GP6: variants seen among roughly 807,000 people sequenced by gnomAD.
GP6 encodes the protein platelet glycoprotein VI.
GP6 carries 45 observed loss-of-function variants against 37.3 expected under a neutral mutation model. The ratio of observed to expected loss-of-function variants is 1.21; its 90% confidence interval spans 0.95 to 1.55. GP6 has a LOEUF of 1.55. GP6 is among the 40% of genes most tolerant of loss of function. The pLI is 0.00. For missense variants in GP6, 813 were observed against 760.2 expected, an observed-to-expected ratio of 1.07 and a Z score of -0.82; for synonymous variants, 340 against 316.4, an observed-to-expected ratio of 1.07 and a Z score of -0.79.
intron 3 of GP6, among the ~76,000 whole-genome samples, chr19:55,030,674 AAG>A (rs1318809359): frequency 1.3e-4 from 20 of 149,996 alleles, no homozygotes; most frequent in Non-Finnish European, 2.7e-4. Flanking sequence ...ATAAATAAAT[AAG>A]AAAAGAAATT....
In GP6 at chr19:55,014,535, T is replaced by C; in HGVS notation, c.1410A>G (p.Gln470=). 1.2e-6 allele frequency: 2 copies of C among 1,613,870 alleles called. No individual in the cohort carries two copies. Among genetic ancestry groups the C allele is most frequent in the Non-Finnish European group, 1.7e-6 (2 of 1,179,784 alleles). ...GGCCAAAGGGAAGCACGGGAGGATT[T>C]TGCACAGAGGATGGAACAGAGTCAA... Residue 470 remains glutamine, a synonymous_variant, in exon 8 of 8, where the codon CAA becomes CAG. Coordinates refer to ENST00000310373, the MANE Select transcript of GP6 (RefSeq NM_001083899.2).
rs529810371 is a variant in GP6, at chr19:55,032,823, T to C, written c.35-285A>G. On this transcript the variant is annotated intron_variant, in intron 1 of 7. Coordinates refer to ENST00000310373, the MANE Select transcript of GP6 (RefSeq NM_001083899.2). The stretch of plus-strand genomic sequence containing the variant: ...GGTGGGAGAGGAGGGCAAGGCATGG[T>C]GGCGTACTGCTCTCTGTGGACTTGT... The C allele has an allele frequency of 8.5e-4, 502 of 588,698 alleles. 3 individuals carry two copies. The African/African-American group carries it at 8.9e-3, about 10-fold the overall frequency. 36.5% of individuals were successfully genotyped at this position (588,698 alleles called of 1,614,324 possible). A position where few individuals can be genotyped will look rare whatever the true frequency, so the allele number is the denominator to read the frequency against.
rs147584336 is a variant in GP6 at position 55,034,539 on chromosome 19, G to A, written c.35-2001C>T. Among the ~76,000 whole-genome samples the A allele has an allele frequency of 2.7e-3, 401 of 151,024 alleles. 2 individuals are homozygous for A. Among genetic ancestry groups the A allele is most frequent in the African/African-American group, 9.5e-3 (388 of 41,042 alleles). ...CCACTACACTCCAGCCTGGGCAACAGAGCAAGACTCCATCTCGAGGAAAAA... is the reference window on the plus strand; with the variant it reads ...CCACTACACTCCAGCCTGGGCAACAAAGCAAGACTCCATCTCGAGGAAAAA... On this transcript the variant is annotated intron_variant, in intron 1 of 7. Coordinates refer to ENST00000310373, the MANE Select transcript of GP6 (RefSeq NM_001083899.2).
At chr19:55,035,849 T>C (rs2074809884) in intron 1 of GP6, among the ~76,000 whole-genome samples, 1 of 151,636 alleles carries the variant, frequency 6.6e-6, no homozygotes, top group South Asian at 2.1e-4. Flanking sequence ...CCGAGGTGGG[T>C]GGATCACGAG....
chr19:55,026,963 C>A (rs1271061657), intron 4 of GP6, among the ~76,000 whole-genome samples: 141 of 127,110 alleles, frequency 1.1e-3, no homozygotes, highest in African/African-American at 2.2e-3. Context: ...CTTCCCACCT[C>A]TGGCCCCGCC....
At chr19:55,021,382 A>G (rs1380937324) in intron 5 of GP6, among the ~76,000 whole-genome samples, 3 of 151,692 alleles carry the variant, frequency 2.0e-5, no homozygotes, top group Non-Finnish European at 4.4e-5. Context: ...AAAAAAGGAA[A>G]AAGGATTTCT....
rs530309978 is a variant in GP6 at position 55,016,507 on chromosome 19, C to T, written c.725-774G>A. Among the ~76,000 whole-genome samples the T allele has an allele frequency of 5.3e-5, 8 of 151,694 alleles. No homozygotes were observed. In the East Asian group the frequency reaches 1.4e-3, roughly 27 times the overall value. ...TCTCCTGCCTCAGCCTCCCGAGTAGCTGGGACTACAGGCGTCCGCCACCAC... is the reference window on the plus strand; with the variant it reads ...TCTCCTGCCTCAGCCTCCCGAGTAGTTGGGACTACAGGCGTCCGCCACCAC... On this transcript the variant is annotated intron_variant, in intron 6 of 7. Coordinates refer to ENST00000310373, the MANE Select transcript of GP6 (RefSeq NM_001083899.2).
rs767460935 is a variant in GP6 at position 55,015,106 on chromosome 19, T to C, written c.839A>G (p.Asp280Gly). 1 of 1,589,694 alleles carries C rather than the reference T, an allele frequency of 6.3e-7. No homozygotes were observed. The highest frequency in any genetic ancestry group is 8.6e-7 in the Non-Finnish European group (1 of 1,168,162). ...AGAAACCCCGCCAGGATTATTAGGA[T>C]CACAGCCCCGAGGCATATCCGGACC... The change falls in exon 8 of 8, where the codon GAT (aspartate) becomes GGT (glycine). Residue 280 changes from aspartate to glycine, a missense_variant. Asp to Gly is a moderately conservative substitution (Grantham distance 94). Coordinates refer to ENST00000310373, the MANE Select transcript of GP6 (RefSeq NM_001083899.2).
At position 55,027,704 on chromosome 19, in the gene GP6, T is replaced by G. The variant is rs892090; in HGVS notation, c.484A>C (p.Arg162=). 1,354,282 of 1,611,948 alleles carry G rather than the reference T, an allele frequency of 0.84. 570,316 individuals are homozygous for G. Among genetic ancestry groups the G allele is most frequent in the East Asian group, 0.98 (43,990 of 44,856 alleles). The change falls in exon 4 of 8, where the codon AGG becomes CGG. Residue 162 remains arginine, a synonymous_variant. Transcript: ENST00000310373. ...ACCGTGATGATGGGAAAACTAGCCC[T>G]GTACCATCTCTCGGGATTCTTGTAG...
intron 5 of GP6, among the ~76,000 whole-genome samples, chr19:55,019,776 C>G (rs1027382999): frequency 6.7e-6 from 1 of 149,014 alleles, no homozygotes; most frequent in Non-Finnish European, 1.5e-5. Flanking sequence ...CTCCCGGGTT[C>G]ACACCATTAT....
intron 3 of GP6, among the ~76,000 whole-genome samples, chr19:55,028,616 T>A (rs1434977258): frequency 6.6e-6 from 1 of 152,218 alleles, no homozygotes; most frequent in Non-Finnish European, 1.5e-5. Context: ...ACCTTGGATA[T>A]ATTCCATTTT....
At chr19:55,020,149 G>T (rs1255610269) in intron 5 of GP6, among the ~76,000 whole-genome samples, 31 of 147,844 alleles carry the variant, frequency 2.1e-4, no homozygotes, top group Admixed American at 2.0e-3. Flanking sequence ...CATAATGAGA[G>T]TGTGGGTATT....
intron 3 of GP6, among the ~76,000 whole-genome samples, chr19:55,028,332 A>T (rs560712514): frequency 6.6e-6 from 1 of 152,324 alleles, no homozygotes. Flanking sequence ...TTCCAAACTT[A>T]TGATGTATAT....
intron 5 of GP6, among the ~76,000 whole-genome samples, chr19:55,024,757 C>T (rs553543171): frequency 1.3e-5 from 2 of 152,214 alleles, no homozygotes; most frequent in East Asian, 3.9e-4. Context: ...AAGCAGAAGC[C>T]CTGGGGGCTC....
intron 3 of GP6, among the ~76,000 whole-genome samples, chr19:55,028,716 A>C (rs772095597): frequency 3.3e-5 from 5 of 152,258 alleles, no homozygotes; most frequent in Non-Finnish European, 5.9e-5. Flanking sequence ...GGCAGAGTTG[A>C]AATCTGCACT....
Position 55,038,198 on chromosome 19 carries a change from C to G in GP6, c.34+5G>C, listed in dbSNP as rs770391750. 6.3e-7 allele frequency: 1 copy of G among 1,589,398 alleles called. No homozygotes were observed. The highest frequency in any genetic ancestry group is 2.3e-5 in the East Asian group (1 of 44,322). On this transcript the variant is annotated splice_donor_5th_base_variant and intron_variant, in intron 1 of 7. Coordinates refer to ENST00000310373, the MANE Select transcript of GP6 (RefSeq NM_001083899.2). ...CATTTCCCAGATCTGACCCTCAGGA[C>G]TCACCAAGACAGAAGAGGGCGGTCG...
At chr19:55,029,721 T>TTAAAA (rs76741356) in intron 3 of GP6, among the ~76,000 whole-genome samples, 3 of 147,976 alleles carry the variant, frequency 2.0e-5, no homozygotes, top group African/African-American at 5.0e-5. Context: ...ACCACCAAGA[T>TTAAAA]AAAAAAAGGT....
rs779255434 is a variant in GP6 at position 55,032,139 on chromosome 19, C to T, written c.325G>A (p.Gly109Arg). 8 of 1,613,650 alleles carry T rather than the reference C, an allele frequency of 5.0e-6. No homozygotes were observed. The highest frequency in any genetic ancestry group is 8.5e-7 in the Non-Finnish European group (1 of 1,179,904). The change falls in exon 3 of 8, where the codon GGA (glycine) becomes AGA (arginine). Residue 109 changes from glycine (G) to arginine (R), a missense_variant and splice_region_variant. Transcript: ENST00000310373. ...CAGGCTCCGATCCCCCTTCCTTTAC[C>T]CGTGGCAACGAGCTCCAGCTGGTCG...
intron 5 of GP6, 73 bp downstream of exon 5, chr19:55,025,145 G>C: frequency 1.2e-6 from 1 of 804,884 alleles, no homozygotes; most frequent in Non-Finnish European, 2.1e-6. Context: ...GAGAAGTCTA[G>C]GCAGAGAGGA....
Sources: gnomAD v4.1 joint callset for allele counts (sites outside exome capture counted in the v4.1 genomes callset) on GRCh38, gnomAD v4.1.1 for gene constraint, MANE v1.5 for transcripts, NCBI Gene and HGNC (gene_info 2026-07-23, HGNC 2026-07-21) for gene names.